Variants in GMNC observed in about 807,000 individuals in gnomAD.
GMNC encodes the protein geminin coiled-coil domain-containing protein 1.
A neutral mutation model predicts 33.6 loss-of-function variants in GMNC; 16 were observed. That is an observed-to-expected ratio of 0.48 (90% CI 0.32 to 0.72). GMNC has a LOEUF of 0.72. GMNC is among the 30% of genes least tolerant of loss of function. GMNC has a pLI of 0.03. For synonymous variants in GMNC, 156 were observed against 147.3 expected, an observed-to-expected ratio of 1.06 and a Z score of -0.43; for missense variants, 393 against 388.9, an observed-to-expected ratio of 1.01 and a Z score of -0.09.
chr3:190,854,995 T>C lies in GMNC; in HGVS notation c.*300A>G, dbSNP rs185344955. On this transcript the variant is annotated 3_prime_UTR_variant, in exon 5 of 5. Transcript: ENST00000442080. ...AAATTGGAAAAATGTATCTAGGTCT[T>C]AAAGGAATATAGAAGTGAGTGGAAA... The C allele has an allele frequency of 6.5e-4, 194 of 300,392 alleles. No homozygotes were observed. Among genetic ancestry groups the C allele is most frequent in the African/African-American group, 3.8e-3 (181 of 47,868 alleles). 18.6% of individuals were successfully genotyped at this position (300,392 alleles called of 1,614,324 possible).
At chr3:190,845,285 C>A in the GMNC span, among the ~76,000 whole-genome samples, 1 of 152,022 alleles carries the variant, frequency 6.6e-6, no homozygotes, top group African/African-American at 2.4e-5. Context: ...TAAGATTTTG[C>A]AACATGAGGC....
chr3:190,848,634 C>T (rs12054278), downstream of GMNC, among the ~76,000 whole-genome samples: 18 of 152,112 alleles, frequency 1.2e-4, no homozygotes, highest in African/African-American at 3.4e-4. Flanking sequence ...TTTACATTTG[C>T]GAATTAAATT....
At chr3:190,852,007 T>G (rs1483607409), downstream of GMNC, among the ~76,000 whole-genome samples, 1 of 143,340 alleles carries the variant, frequency 7.0e-6, no homozygotes, top group Non-Finnish European at 1.5e-5. Context: ...AGATAAAATA[T>G]GAAAAATAAG....
At position 190,854,463 on chromosome 3, in the gene GMNC, G is replaced by A. The variant is rs558635648; in HGVS notation, c.*832C>T. The A allele has an allele frequency of 3.3e-5, 5 of 152,264 alleles. No individual in the cohort carries two copies. Among genetic ancestry groups the A allele is most frequent in the South Asian group, 2.1e-4 (1 of 4,834 alleles). The allele number at this position is 152,264 out of a possible 1,614,324, so 9.4% of individuals were successfully genotyped here. On this transcript the variant is annotated 3_prime_UTR_variant, in exon 5 of 5. Coordinates refer to ENST00000442080, the MANE Select transcript of GMNC (RefSeq NM_001146686.3). ...ATGAGACAATGGCTGAGCTAGGTTA[G>A]TCTATTTTCAGCAATAGGAGTTTGT...
intron 4 of GMNC, among the ~76,000 whole-genome samples, chr3:190,857,352 T>G (rs569851949): frequency 1.3e-5 from 2 of 152,158 alleles, no homozygotes; most frequent in East Asian, 3.9e-4. Flanking sequence ...GCAGAATTTT[T>G]AAAAGATATT....
chr3:190,843,718 G>A, the GMNC span, among the ~76,000 whole-genome samples: 1 of 152,076 alleles, frequency 6.6e-6, no homozygotes, highest in African/African-American at 2.4e-5. Flanking sequence ...TTCAACCATT[G>A]TGTATTATAG....
At chr3:190,858,026 G>T in intron 3 of GMNC, 127 bp from the exon 4 acceptor site, 1 of 642,006 alleles carries the variant, frequency 1.6e-6, no homozygotes. Context: ...AGCACAGGGA[G>T]CCCTCATCCT....
Position 190,857,765 on chromosome 3 carries a change from T to C in GMNC, c.384+18A>G. 1.7e-6 allele frequency: 2 copies of C among 1,173,058 alleles called. No individual in the cohort carries two copies. Among genetic ancestry groups the C allele is most frequent in the East Asian group, 5.1e-5 (2 of 39,206 alleles). 72.7% of individuals were successfully genotyped at this position (1,173,058 alleles called of 1,614,324 possible). ...CACTGCTTTGTTCTTATAAAGTAGATACATACATCATACATACCTTGGCCT... is the reference window on the plus strand; with the variant it reads ...CACTGCTTTGTTCTTATAAAGTAGACACATACATCATACATACCTTGGCCT... On this transcript the variant is annotated intron_variant, in intron 4 of 4. Transcript: ENST00000442080.
chr3:190,857,046 A>G (rs76867783), intron 4 of GMNC, among the ~76,000 whole-genome samples: 8,480 of 150,410 alleles, frequency 0.056, 294 homozygotes, highest in African/African-American at 0.1. Context: ...TAGATCAAAT[A>G]ATTTCAAATA....
At position 190,861,109 on chromosome 3, in the gene GMNC, T is replaced by C. The variant is rs1437432615; in HGVS notation, c.4-251A>G. Among the ~76,000 whole-genome samples the C allele has an allele frequency of 1.3e-5, 2 of 152,166 alleles. No homozygotes were observed. The highest frequency in any genetic ancestry group is 2.9e-5 in the Non-Finnish European group (2 of 68,038). On this transcript the variant is annotated intron_variant, in intron 1 of 4. Transcript: ENST00000442080. This position sits in a 1 kb window ranked among gnomAD's most constrained non-coding sequence, Gnocchi z 5.1. ...CTCTGAGCAAAAGAGCAGACTAGCA[T>C]TGAATGGGTGAAATTTGTACATATC...
the GMNC span, among the ~76,000 whole-genome samples, chr3:190,843,952 G>C: frequency 6.6e-6 from 1 of 152,116 alleles, no homozygotes; most frequent in Non-Finnish European, 1.5e-5. Context: ...CAAAAATAAT[G>C]AAGAATTAGT....
At position 190,861,383 on chromosome 3, in the gene GMNC, T is replaced by C. The variant is rs762140153; in HGVS notation, c.4-525A>G. Among the ~76,000 whole-genome samples the C allele has an allele frequency of 2.0e-5, 3 of 152,212 alleles. No individual in the cohort carries two copies. The highest frequency in any genetic ancestry group is 2.1e-4 in the South Asian group (1 of 4,830). ...CATACTTGCCTTATTCCTTCCTTTTTCCTCCGTCTGACCTAACATACTGCT... is the reference window on the plus strand; with the variant it reads ...CATACTTGCCTTATTCCTTCCTTTTCCCTCCGTCTGACCTAACATACTGCT... On this transcript the variant is annotated intron_variant, in intron 1 of 4. Transcript: ENST00000442080. This position sits in a 1 kb window ranked among gnomAD's most constrained non-coding sequence, Gnocchi z 5.1.
At chr3:190,849,745 C>T (rs1229445165), downstream of GMNC, among the ~76,000 whole-genome samples, 1 of 152,164 alleles carries the variant, frequency 6.6e-6, no homozygotes, top group Admixed American at 6.5e-5. Flanking sequence ...TATCAATTAA[C>T]CACTGATTTC....
At chr3:190,848,755 T>C (rs527265373), downstream of GMNC, among the ~76,000 whole-genome samples, 1 of 152,284 alleles carries the variant, frequency 6.6e-6, no homozygotes, top group Non-Finnish European at 1.5e-5. Flanking sequence ...CTGGTAAACA[T>C]ATAGGACAAA....
At chr3:190,857,995 ATTGT>A (rs2108532154) in intron 3 of GMNC, 96 bp from the exon 4 acceptor site, 3 of 729,750 alleles carry the variant, frequency 4.1e-6, no homozygotes, top group East Asian at 2.7e-5. Context: ...AAACTTGATG[ATTGT>A]TTGTTGTATG....
At chr3:190,856,051 G>T in intron 4 of GMNC, 136 bp from the exon 5 acceptor site, 2 of 647,624 alleles carry the variant, frequency 3.1e-6, no homozygotes, top group East Asian at 5.6e-5. Context: ...AGTAAAATCT[G>T]TGATGACAAG....
Position 190,861,476 on chromosome 3 carries a change from A to G in GMNC, c.4-618T>C, listed in dbSNP as rs187636112. ...CTATCATCTATCTATCTATCTATCT[A>G]TCTATCTATCTATCTATCTATCTAT... On this transcript the variant is annotated intron_variant, in intron 1 of 4. Transcript: ENST00000442080. The surrounding 1 kb of genome is among the most constrained non-coding windows in gnomAD (Gnocchi z 5.1). Among the ~76,000 whole-genome samples the G allele has an allele frequency of 1.3e-5, 2 of 151,044 alleles. No individual in the cohort carries two copies. Among genetic ancestry groups the G allele is most frequent in the Non-Finnish European group, 3.0e-5 (2 of 67,652 alleles).
At chr3:190,858,691 C>G (rs1316314621) in intron 3 of GMNC, among the ~76,000 whole-genome samples, 1 of 152,196 alleles carries the variant, frequency 6.6e-6, no homozygotes, top group African/African-American at 2.4e-5. Flanking sequence ...GATTCAAGGT[C>G]ATACGGCTAA....
At chr3:190,850,552 G>A (rs1737617465), downstream of GMNC, among the ~76,000 whole-genome samples, 1 of 152,184 alleles carries the variant, frequency 6.6e-6, no homozygotes, top group Non-Finnish European at 1.5e-5. Context: ...TGTTCCTATG[G>A]GGTGACCTGG....
Sources: allele counts gnomAD v4.1 joint callset (sites outside exome capture counted in the v4.1 genomes callset), GRCh38; gene constraint gnomAD v4.1.1; non-coding constraint Gnocchi (gnomAD v3.1); transcripts MANE v1.5; gene names NCBI Gene and HGNC (gene_info 2026-07-23, HGNC 2026-07-21).